NEURL1B: variants seen among roughly 807,000 people sequenced by gnomAD.
The protein encoded by NEURL1B is neuralized E3 ubiquitin protein ligase 1B.
Under a neutral mutation model 37.4 loss-of-function variants are expected in NEURL1B, and 13 were observed. The ratio of observed to expected loss-of-function variants is 0.35; its 90% CI spans 0.23 to 0.55. The LOEUF is 0.55. Among genes scored for constraint, NEURL1B ranks in the 20% least tolerant of loss-of-function variants. The pLI is 0.89. For missense variants in NEURL1B, 790 were observed against 879.2 expected (o/e 0.90, Z 1.28); for synonymous variants, 432 against 426.6 (o/e 1.01, Z -0.16).
chr5:172,663,046 G>T lies in NEURL1B; in HGVS notation c.32-6739G>T, dbSNP rs193064690. ...GTTCGAGACCAGCCCCAGCAACCCT[G>T]ACTCTACAAATAATAATAATAGCCG... is the stretch of plus-strand genomic sequence containing the variant. On this transcript the variant is annotated intron_variant, in intron 1 of 4. Transcript: ENST00000369800. 8.5e-3 allele frequency among the ~76,000 whole-genome samples: 787 copies of T among 92,432 alleles called. 5 individuals carry two copies. Among genetic ancestry groups the T allele is most frequent in the African/African-American group, 0.047 (750 of 16,074 alleles). The allele number at this position is 92,432 out of a possible 152,430, so 60.6% of individuals were successfully genotyped here.
rs1757897910 is a variant in NEURL1B, at chr5:172,661,337, A to G, written c.32-8448A>G. 6.6e-6 allele frequency among the ~76,000 whole-genome samples: 1 copy of G among 152,130 alleles called. No individual in the cohort carries two copies. The highest frequency in any genetic ancestry group is 2.4e-5 in the African/African-American group (1 of 41,404). ...ATCAGATTGTGCATGGAGTCTGGGT[A>G]TGTTTCTGGCGGGGAAGCCTCTATA... On this transcript the variant is annotated intron_variant, in intron 1 of 4. Transcript: ENST00000369800. The surrounding 1 kb of genome is among the most constrained non-coding windows in gnomAD (Gnocchi z 4.0).
chr5:172,643,669 G>A (rs1441709615), intron 1 of NEURL1B, among the ~76,000 whole-genome samples: 2 of 152,166 alleles, frequency 1.3e-5, no homozygotes, highest in Admixed American at 1.3e-4. Context: ...AAAAACTGGT[G>A]GTGGAGCTCG....
rs1170625553 is a variant in NEURL1B, at chr5:172,641,702, G to T, written c.31+265G>T. Among the ~76,000 whole-genome samples the T allele has an allele frequency of 6.6e-6, 1 of 152,092 alleles. No homozygotes were observed. Among genetic ancestry groups the T allele is most frequent in the Non-Finnish European group, 1.5e-5 (1 of 68,000 alleles). ...TTTGGCCAGATGCGCAAAAAGGGCC[G>T]CTGGGGCGATGCCGCGCGCCCCCTC... is the stretch of plus-strand genomic sequence containing the variant. On this transcript the variant is annotated intron_variant, in intron 1 of 4. Transcript: ENST00000369800. The surrounding 1 kb of genome is among the most constrained non-coding windows in gnomAD (Gnocchi z 6.4).
At chr5:172,669,552 A>T (rs924717613) in intron 1 of NEURL1B, among the ~76,000 whole-genome samples, 2 of 146,878 alleles carry the variant, frequency 1.4e-5, no homozygotes, top group Non-Finnish European at 1.5e-5. Context: ...CACCACACAC[A>T]CTAAACCTTG....
At chr5:172,678,494 C>T (rs1185943857) in intron 2 of NEURL1B, among the ~76,000 whole-genome samples, 2 of 152,208 alleles carry the variant, frequency 1.3e-5, no homozygotes, top group Non-Finnish European at 2.9e-5. Flanking sequence ...ACCTCCTGCT[C>T]CTCAGCCAGC....
At chr5:172,670,502 T>G (rs1272123881) in intron 2 of NEURL1B, among the ~76,000 whole-genome samples, 172 bp downstream of exon 2, 1 of 152,182 alleles carries the variant, frequency 6.6e-6, no homozygotes, top group Non-Finnish European at 1.5e-5. Flanking sequence ...TACCCTCCGG[T>G]TTTACAGATG....
At chr5:172,655,830 G>A (rs1757765280) in intron 1 of NEURL1B, among the ~76,000 whole-genome samples, 1 of 151,820 alleles carries the variant, frequency 6.6e-6, no homozygotes, top group Admixed American at 6.6e-5. Context: ...AGGGCGGGGT[G>A]CACCTCCTCA....
At chr5:172,680,897 G>C (rs756798542) in intron 2 of NEURL1B, among the ~76,000 whole-genome samples, 5 of 152,120 alleles carry the variant, frequency 3.3e-5, no homozygotes, top group Non-Finnish European at 7.4e-5. Context: ...GTCTGTTCTT[G>C]AACTGCTATA....
Position 172,675,617 on chromosome 5 carries a change from G to GCTCCCTTCC in NEURL1B, c.577+5296_577+5304dup, listed in dbSNP as rs58261349. Among the ~76,000 whole-genome samples the GCTCCCTTCC allele has an allele frequency of 0.4, 60,157 of 151,316 alleles. 12,642 individuals are homozygous for GCTCCCTTCC. Among genetic ancestry groups the GCTCCCTTCC allele is most frequent in the East Asian group, 0.51 (2,608 of 5,080 alleles). ...AGAGGAAGCTTCTGCCAGGCCATGC[G>GCTCCCTTCC]CTCCCTTCCCTCCCTTCTCCCTGTG... is the stretch of plus-strand genomic sequence containing the variant. On this transcript the variant is annotated intron_variant, in intron 2 of 4. Transcript: ENST00000369800. This position sits in a 1 kb window ranked among gnomAD's most constrained non-coding sequence, Gnocchi z 4.7.
At chr5:172,652,674 A>G (rs1435461436) in intron 1 of NEURL1B, among the ~76,000 whole-genome samples, 2 of 152,206 alleles carry the variant, frequency 1.3e-5, no homozygotes, top group African/African-American at 4.8e-5. Flanking sequence ...CTAATTTACT[A>G]ATGCCCAGTC....
intron 1 of NEURL1B, among the ~76,000 whole-genome samples, chr5:172,668,704 C>T (rs1365526213): frequency 6.6e-6 from 1 of 152,188 alleles, no homozygotes; most frequent in Non-Finnish European, 1.5e-5. Flanking sequence ...AAATTGTACT[C>T]AGCTGCTGTG....
At chr5:172,664,806 ACGT>A (rs1757979400) in intron 1 of NEURL1B, among the ~76,000 whole-genome samples, 1 of 152,046 alleles carries the variant, frequency 6.6e-6, no homozygotes, top group Non-Finnish European at 1.5e-5. Flanking sequence ...TCTTTATCTC[ACGT>A]CAGCGCTGTG....
chr5:172,677,742 G>C (rs1460119320), intron 2 of NEURL1B, among the ~76,000 whole-genome samples: 1 of 152,064 alleles, frequency 6.6e-6, no homozygotes, highest in African/African-American at 2.4e-5. Context: ...CATGGTTCCT[G>C]TCATTTGTCT....
In NEURL1B at chr5:172,684,069, G is replaced by A; in HGVS notation, c.1228G>A (p.Asp410Asn). 2 of 1,320,852 alleles carry A rather than the reference G, an allele frequency of 1.5e-6. No homozygotes were observed. The highest frequency in any genetic ancestry group is 1.9e-5 in the South Asian group (1 of 53,564). 81.8% of individuals were successfully genotyped at this position (1,320,852 alleles called of 1,614,324 possible). A position where few individuals can be genotyped will look rare whatever the true frequency, so the allele number is the denominator to read the frequency against. ...TCCGCGCGGCCGCCTGCTGTGCGTC[G>A]ACACCACGCAGGCGCTCTGGGCCTT... ...GRPRGRLLCV[D>N]TTQALWAFFA... The change falls in exon 3 of 5, where the codon GAC becomes AAC. Residue 410 changes from aspartate (D) to asparagine (N), a missense_variant. Physicochemically the swap from Asp to Asn is conservative, Grantham distance 23. Around this residue, in one of 3 missense-constraint regions of NEURL1B, gnomAD observed 460 missense variants for 407.4 expected, o/e 1.13. Transcript: ENST00000369800.
intron 3 of NEURL1B, among the ~76,000 whole-genome samples, chr5:172,685,294 C>T (rs748891041): frequency 1.4e-4 from 22 of 152,124 alleles, no homozygotes; most frequent in Non-Finnish European, 2.8e-4. Flanking sequence ...AGCCGGGTGG[C>T]AGTGTGGTTA....
chr5:172,641,343 C>T lies in NEURL1B; in HGVS notation c.-64C>T, dbSNP rs1026172299. 2.2e-6 allele frequency: 3 copies of T among 1,362,790 alleles called. No individual in the cohort carries two copies. The highest frequency in any genetic ancestry group is 1.7e-5 in the South Asian group (1 of 59,738). 84.4% of individuals were successfully genotyped at this position (1,362,790 alleles called of 1,614,324 possible). A position where few individuals can be genotyped will look rare whatever the true frequency, so the allele number is the denominator to read the frequency against. On this transcript the variant is annotated 5_prime_UTR_variant, in exon 1 of 5. Coordinates refer to ENST00000369800, the MANE Select transcript of NEURL1B (RefSeq NM_001142651.3). This position sits in a 1 kb window ranked among gnomAD's most constrained non-coding sequence, Gnocchi z 6.4. Reference sequence around the variant, plus strand: ...TCGACCCCGGTCCTGGTCCCTGGCCCGCCGCGTAATTAGCCTCCGCGCGCC... The same window carrying T: ...TCGACCCCGGTCCTGGTCCCTGGCCTGCCGCGTAATTAGCCTCCGCGCGCC...
chr5:172,650,489 G>A (rs754042648), intron 1 of NEURL1B, among the ~76,000 whole-genome samples: 1 of 152,112 alleles, frequency 6.6e-6, no homozygotes, highest in Non-Finnish European at 1.5e-5. Flanking sequence ...GGGGTCTTTC[G>A]CTGGAATCTC....
chr5:172,671,797 C>T (rs1581432658), intron 2 of NEURL1B, among the ~76,000 whole-genome samples: 1 of 152,342 alleles, frequency 6.6e-6, no homozygotes, highest in East Asian at 1.9e-4. Flanking sequence ...CCCTTCATTA[C>T]CCCACCATTG....
At chr5:172,677,370 G>A (rs938604535) in intron 2 of NEURL1B, among the ~76,000 whole-genome samples, 4 of 152,128 alleles carry the variant, frequency 2.6e-5, no homozygotes, top group African/African-American at 4.8e-5. Flanking sequence ...ATGCAGGCAC[G>A]GAGCTGGGTG....
Sources: gnomAD v4.1 joint callset for allele counts (sites outside exome capture counted in the v4.1 genomes callset) on GRCh38, gnomAD v4.1.1 for gene constraint, gnomAD v4.1.1 regional missense constraint, Gnocchi (gnomAD v3.1) non-coding constraint, MANE v1.5 for transcripts, NCBI Gene and HGNC (gene_info 2026-07-23, HGNC 2026-07-21) for gene names.